ABCB1: variants seen among roughly 807,000 people sequenced by gnomAD.
ABCB1 encodes the protein ATP-dependent translocase ABCB1.
ABCB1 carries 69 observed loss-of-function variants against 142.0 expected under a neutral mutation model. The observed-to-expected ratio is 0.49, with a 90% CI of 0.40 to 0.59. ABCB1 has a LOEUF of 0.59. Among genes scored for constraint, ABCB1 ranks in the 20% least tolerant of loss-of-function variants. The pLI is 0.00. For missense variants in ABCB1, 1,326 were observed against 1,554.7 expected (o/e 0.85, Z 2.47); for synonymous variants, 532 against 539.2 (o/e 0.99, Z 0.18).
chr7:87,644,422 T>A (rs546497162), intron 1 of ABCB1, among the ~76,000 whole-genome samples: 4 of 152,340 alleles, frequency 2.6e-5, no homozygotes, highest in Admixed American at 2.6e-4. Context: ...TGACATATAA[T>A]AAGGAATATT....
chr7:87,668,486 A>C (rs1398789494), intron 1 of ABCB1, among the ~76,000 whole-genome samples: 1 of 151,586 alleles, frequency 6.6e-6, no homozygotes, highest in Non-Finnish European at 1.5e-5. Flanking sequence ...AGTTTCCTTC[A>C]GTTCAGCTCT....
rs1814637793 is a variant in ABCB1 at position 87,504,549 on chromosome 7, C to T, written c.3637-100G>A. Reference sequence around the variant, plus strand: ...GTAGGACGGGCATGGTGGCTCACGCCTGTAATCCCAGCACTTTGGGAGGCC... The same window carrying T: ...GTAGGACGGGCATGGTGGCTCACGCTTGTAATCCCAGCACTTTGGGAGGCC... On this transcript the variant is annotated intron_variant, in intron 27 of 27. Transcript: ENST00000622132. The T allele has an allele frequency of 3.3e-6, 5 of 1,505,196 alleles. No homozygotes were observed. The Admixed American group carries it at 7.8e-5, about 23-fold the overall frequency. 93.2% of individuals were successfully genotyped at this position (1,505,196 alleles called of 1,614,324 possible). A position where few individuals can be genotyped will look rare whatever the true frequency, so the allele number is the denominator to read the frequency against.
chr7:87,692,821 T>C (rs540813092), intron 1 of ABCB1, among the ~76,000 whole-genome samples: 7 of 152,342 alleles, frequency 4.6e-5, no homozygotes, highest in South Asian at 2.1e-4. Context: ...AAGAACATTA[T>C]GTTCTAATAT....
At chr7:87,670,998 G>A (rs574043377) in intron 1 of ABCB1, among the ~76,000 whole-genome samples, 1 of 152,328 alleles carries the variant, frequency 6.6e-6, no homozygotes, top group African/African-American at 2.4e-5. Context: ...TCTCAAGTTG[G>A]AGGCAGCAGA....
intron 1 of ABCB1, among the ~76,000 whole-genome samples, chr7:87,690,890 A>T (rs530744275): frequency 1.1e-4 from 17 of 152,138 alleles, no homozygotes; most frequent in Non-Finnish European, 1.6e-4. Flanking sequence ...GTACATTTAT[A>T]TAAAGGTATC....
chr7:87,671,079 A>G (rs1825780676), intron 1 of ABCB1, among the ~76,000 whole-genome samples: 1 of 152,018 alleles, frequency 6.6e-6, no homozygotes, highest in South Asian at 2.1e-4. Flanking sequence ...ACCCAGAGAG[A>G]TATAGGTCAG....
intron 21 of ABCB1, among the ~76,000 whole-genome samples, chr7:87,526,756 G>A (rs1372235191): frequency 6.6e-6 from 1 of 152,150 alleles, no homozygotes; most frequent in Non-Finnish European, 1.5e-5. Flanking sequence ...CGGAAAAAGT[G>A]CTCTCATTGT....
intron 17 of ABCB1, 67 bp downstream of exon 17, chr7:87,544,062 G>T: frequency 6.3e-7 from 1 of 1,579,364 alleles, no homozygotes; most frequent in East Asian, 2.2e-5. Context: ...TCAGACACAA[G>T]CACTTTATTC....
At chr7:87,557,382 C>G (rs1375182070) in intron 8 of ABCB1, among the ~76,000 whole-genome samples, 1 of 152,122 alleles carries the variant, frequency 6.6e-6, no homozygotes, top group African/African-American at 2.4e-5. Flanking sequence ...ATAAATTTGT[C>G]AAATAAATAA....
intron 1 of ABCB1, among the ~76,000 whole-genome samples, chr7:87,682,164 A>G (rs1826990174): frequency 6.6e-6 from 1 of 152,192 alleles, no homozygotes; most frequent in African/African-American, 2.4e-5. Flanking sequence ...GATTGCAATA[A>G]TTCAGTCACA....
At chr7:87,529,608 G>T (rs777622952) in intron 21 of ABCB1, among the ~76,000 whole-genome samples, 1 of 152,190 alleles carries the variant, frequency 6.6e-6, no homozygotes, top group South Asian at 2.1e-4. Context: ...CTAACCTGTG[G>T]TTTGCATGAA....
At chr7:87,506,451 A>G (rs1173604577) in intron 26 of ABCB1, among the ~76,000 whole-genome samples, 3 of 152,342 alleles carry the variant, frequency 2.0e-5, no homozygotes, top group Admixed American at 1.3e-4. Context: ...CACTCTCTGC[A>G]TGATTTTAAA....
rs1299014545 is a variant in ABCB1, at chr7:87,547,862, A to AC, written c.1725+1485_1725+1486insG. 4.0e-5 allele frequency among the ~76,000 whole-genome samples: 6 copies of AC among 149,058 alleles called. No individual in the cohort carries two copies. The East Asian group carries it at 1.2e-3, about 29-fold the overall frequency. ...CGAGACTCCATCTCAAAAAAAAAAA[A>AC]AAAAAAAAAACCTTGGCATGGTGGC... On this transcript the variant is annotated intron_variant, in intron 14 of 27. Coordinates refer to ENST00000622132, the MANE Select transcript of ABCB1 (RefSeq NM_001348946.2).
intron 1 of ABCB1, among the ~76,000 whole-genome samples, chr7:87,689,341 A>G (rs1242928469): frequency 6.6e-6 from 1 of 152,094 alleles, no homozygotes; most frequent in African/African-American, 2.4e-5. Context: ...AAAATTAATG[A>G]GACATTTCCA....
chr7:87,504,621 C>T (rs190609181), intron 27 of ABCB1, among the ~76,000 whole-genome samples, 172 bp from the exon 28 acceptor site: 35 of 152,166 alleles, frequency 2.3e-4, no homozygotes, highest in East Asian at 2.1e-3. Context: ...CTGGCTAACA[C>T]GGTGAAACCC....
chr7:87,601,287 A>C (rs1819447780), upstream of ABCB1, among the ~76,000 whole-genome samples: 1 of 152,212 alleles, frequency 6.6e-6, no homozygotes, highest in African/African-American at 2.4e-5. Context: ...CTGCTTCCTA[A>C]CACCTTTGAA....
Position 87,505,945 on chromosome 7 carries a change from A to C in ABCB1, c.3588T>G (p.Ile1196Met). Reference protein sequence around the residue: ...IARALVRQPHILLLDEATSAL... With the variant: ...IARALVRQPHMLLLDEATSAL... ...CTGACGTGGCTTCATCCAAAAGCAA[A>C]ATATGAGGCTGTCTAACAAGGGCAC... The change falls in exon 27 of 28, where the codon ATT becomes ATG. Residue 1196 changes from isoleucine to methionine, a missense_variant. By Grantham distance (10) the Ile-to-Met change is conservative (BLOSUM62 1). Transcript: ENST00000622132. 6.2e-7 allele frequency: 1 copy of C among 1,614,204 alleles called. No homozygotes were observed. Among genetic ancestry groups the C allele is most frequent in the Non-Finnish European group, 8.5e-7 (1 of 1,180,030 alleles).
intron 25 of ABCB1, 140 bp downstream of exon 25, chr7:87,515,091 T>A: frequency 2.7e-6 from 3 of 1,124,962 alleles, no homozygotes; most frequent in Non-Finnish European, 3.8e-6. Context: ...TTGGAGACCA[T>A]ATTTAGGCTC....
At position 87,589,817 on chromosome 7, in the gene ABCB1, AG is replaced by A. The variant is rs1363959956; in HGVS notation, c.118-4138del. ...AGAGAGAGAGAGAGGAGAGAGAGAG[AG>A]AGAGAGAGAGAGAGAGAGGGAGAGA... On this transcript the variant is annotated intron_variant, in intron 3 of 27. Transcript: ENST00000622132. Among the ~76,000 whole-genome samples, 3 of 147,108 alleles carry A rather than the reference AG, an allele frequency of 2.0e-5. No individual in the cohort carries two copies. The East Asian group carries it at 5.9e-4, about 29-fold the overall frequency.
Sources: gnomAD v4.1 joint callset for allele counts (sites outside exome capture counted in the v4.1 genomes callset) on GRCh38, gnomAD v4.1.1 for gene constraint, MANE v1.5 for transcripts, NCBI Gene and HGNC (gene_info 2026-07-23, HGNC 2026-07-21) for gene names.